LRP1B: variants seen among roughly 807,000 people sequenced by gnomAD.
LRP1B encodes the protein LDL receptor related protein 1B.
In LRP1B, 217 loss-of-function variants were observed where a neutral mutation model predicts 556.6. The observed-to-expected ratio is 0.39, with a 90% CI of 0.35 to 0.44. LRP1B has a LOEUF of 0.44. Among genes scored for constraint, LRP1B ranks in the 20% least tolerant of loss-of-function variants. The pLI, the probability that LRP1B is intolerant of heterozygous loss-of-function variation, is 1.00. For synonymous variants in LRP1B, 2,047 were observed against 1,865.8 expected (o/e 1.10, Z -2.50); for missense variants, 5,053 against 5,620.8 (o/e 0.90, Z 3.23).
intron 23 of LRP1B, among the ~76,000 whole-genome samples, chr2:140,898,209 A>C (rs1456940115): frequency 3.3e-5 from 5 of 152,172 alleles, no homozygotes; most frequent in Non-Finnish European, 7.3e-5. Context: ...ATGTCTGTCC[A>C]TACTTCATTG....
intron 1 of LRP1B, among the ~76,000 whole-genome samples, chr2:141,833,372 T>C (rs1321410625): frequency 6.6e-6 from 1 of 151,836 alleles, no homozygotes; most frequent in Non-Finnish European, 1.5e-5. Context: ...ACATCTATTC[T>C]TTGTCATTGT....
intron 3 of LRP1B, among the ~76,000 whole-genome samples, chr2:141,273,933 C>T (rs928503489): frequency 5.3e-5 from 8 of 152,178 alleles, no homozygotes; most frequent in Non-Finnish European, 7.3e-5. Context: ...AAAGAAGTTA[C>T]ACAAATGTCC....
intron 41 of LRP1B, among the ~76,000 whole-genome samples, chr2:140,660,871 GTT>G (rs11303525): frequency 0.018 from 2,583 of 142,836 alleles, 65 homozygotes; most frequent in African/African-American, 0.057. Context: ...GTCTTTTTGT[GTT>G]TTTTTTTTTT....
At chr2:140,492,034 A>G (rs1206463607) in intron 57 of LRP1B, among the ~76,000 whole-genome samples, 3 of 152,164 alleles carry the variant, frequency 2.0e-5, no homozygotes, top group African/African-American at 7.2e-5. Context: ...CTGCCCTAAT[A>G]AACTTTTCTG....
At chr2:141,709,708 G>A (rs2105476105) in intron 2 of LRP1B, among the ~76,000 whole-genome samples, 1 of 152,248 alleles carries the variant, frequency 6.6e-6, no homozygotes, top group African/African-American at 2.4e-5. Context: ...GTGGTGTGTG[G>A]GCAAAGGGGC....
chr2:141,583,559 T>C (rs1188944175), intron 2 of LRP1B, among the ~76,000 whole-genome samples: 2 of 151,988 alleles, frequency 1.3e-5, no homozygotes, highest in Non-Finnish European at 2.9e-5. Context: ...ATCAATGAAG[T>C]TGACTCTGAT....
At chr2:141,998,940 T>C (rs1702579586) in intron 1 of LRP1B, among the ~76,000 whole-genome samples, 1 of 152,164 alleles carries the variant, frequency 6.6e-6, no homozygotes, top group Non-Finnish European at 1.5e-5. Context: ...CCTTCCTGGA[T>C]CAGAGAATGG....
chr2:140,569,259 C>T (rs996038172), intron 43 of LRP1B, among the ~76,000 whole-genome samples: 4 of 151,874 alleles, frequency 2.6e-5, no homozygotes, highest in Admixed American at 2.0e-4. Context: ...TCAATTAAAA[C>T]ATATAGACTG....
chr2:140,371,403 T>C, intron 69 of LRP1B, 118 bp from the exon 70 acceptor site: 1 of 458,590 alleles, frequency 2.2e-6, no homozygotes, highest in East Asian at 3.6e-5. Context: ...GTTTATACTA[T>C]ATAACGACAT....
At chr2:141,420,568 T>A (rs75312925) in intron 3 of LRP1B, among the ~76,000 whole-genome samples, 3,837 of 152,316 alleles carry the variant, frequency 0.025, 162 homozygotes, top group African/African-American at 0.087. Flanking sequence ...TTCCTTGTTC[T>A]TGTCAGCCGT....
At chr2:141,920,254 T>A (rs1700147458) in intron 1 of LRP1B, among the ~76,000 whole-genome samples, 1 of 132,308 alleles carries the variant, frequency 7.6e-6, no homozygotes, top group Non-Finnish European at 1.6e-5. Flanking sequence ...GTGATCTCTG[T>A]TTCAATTTTT....
Position 140,275,739 on chromosome 2 carries a change from C to T in LRP1B, c.12968-1141G>A, listed in dbSNP as rs548405688. On this transcript the variant is annotated intron_variant, in intron 84 of 90. Coordinates refer to ENST00000389484, the MANE Select transcript of LRP1B (RefSeq NM_018557.3). ...TTCTAAGGTAAGAGACTAATCTTCC[C>T]ATCAGTCACGAAACTCCCTGTAATC... 4.6e-5 allele frequency among the ~76,000 whole-genome samples: 7 copies of T among 152,052 alleles called. No individual in the cohort carries two copies. In the South Asian group the frequency reaches 1.5e-3, roughly 32 times the overall value.
intron 1 of LRP1B, among the ~76,000 whole-genome samples, chr2:142,129,589 TC>T (rs1163240689): frequency 7.6e-3 from 18 of 2,378 alleles, no homozygotes; most frequent in South Asian, 0.051. Context: ...TCTCTTTCTC[TC>T]TCTCTCTCTC....
At chr2:141,910,783 T>C (rs1199793852) in intron 1 of LRP1B, among the ~76,000 whole-genome samples, 2 of 152,108 alleles carry the variant, frequency 1.3e-5, no homozygotes, top group Non-Finnish European at 2.9e-5. Context: ...ACTTACGTGT[T>C]GCTTTTCAAT....
intron 6 of LRP1B, among the ~76,000 whole-genome samples, chr2:141,190,541 C>T (rs1291843181): frequency 6.6e-6 from 1 of 151,880 alleles, no homozygotes; most frequent in African/African-American, 2.4e-5. Flanking sequence ...AGGTATTAAA[C>T]ATTTATATGC....
intron 1 of LRP1B, 46 bp from the exon 2 acceptor site, chr2:141,810,447 T>C (rs761326042): frequency 2.5e-6 from 4 of 1,600,394 alleles, no homozygotes; most frequent in Admixed American, 1.7e-5. Flanking sequence ...GATCTGAACA[T>C]GGGCAGAACG....
At position 140,509,083 on chromosome 2, in the gene LRP1B, AACACAC is replaced by A. The variant is rs61074935; in HGVS notation, c.8398+839_8398+844del. On this transcript the variant is annotated intron_variant, in intron 52 of 90. Coordinates refer to ENST00000389484, the MANE Select transcript of LRP1B (RefSeq NM_018557.3). ...CCCTGCACACACACACACACACACA[AACACAC>A]ACACACACACACACACACACAGACA... Among the ~76,000 whole-genome samples, 700 of 148,874 alleles carry A rather than the reference AACACAC, an allele frequency of 4.7e-3. 5 individuals are homozygous for A. Among genetic ancestry groups the A allele is most frequent in the African/African-American group, 0.016 (626 of 40,262 alleles).
chr2:140,565,499 A>AT (rs1244388384), intron 43 of LRP1B, among the ~76,000 whole-genome samples: 1 of 152,086 alleles, frequency 6.6e-6, no homozygotes, highest in African/African-American at 2.4e-5. Context: ...ACTTATTTAC[A>AT]TTTTTTGTTT....
intron 66 of LRP1B, among the ~76,000 whole-genome samples, chr2:140,434,772 T>A (rs1018823342): frequency 2.0e-5 from 3 of 152,316 alleles, no homozygotes; most frequent in African/African-American, 7.2e-5. Context: ...AGCCAATAAA[T>A]GCCACAGTAA....
Sources: allele counts gnomAD v4.1 joint callset (sites outside exome capture counted in the v4.1 genomes callset), GRCh38; gene constraint gnomAD v4.1.1; transcripts MANE v1.5; gene names NCBI Gene and HGNC (gene_info 2026-07-23, HGNC 2026-07-21).